Variants in TBC1D22A observed in about 807,000 individuals in gnomAD.
The protein encoded by TBC1D22A is putative GTPase activator.
TBC1D22A carries 38 observed loss-of-function variants against 60.2 expected under a neutral mutation model. That is an observed-to-expected ratio of 0.63 (90% CI 0.49 to 0.83). TBC1D22A has a LOEUF of 0.83. TBC1D22A is among the 40% of genes least tolerant of loss of function. TBC1D22A has a pLI of 0.00. For synonymous variants in TBC1D22A, 302 were observed against 281.7 expected (o/e 1.07, Z -0.72); for missense variants, 628 against 701.0 (o/e 0.90, Z 1.18).
chr22:47,138,090 G>T (rs545477029), intron 12 of TBC1D22A, among the ~76,000 whole-genome samples: 40 of 152,330 alleles, frequency 2.6e-4, no homozygotes, highest in Admixed American at 2.5e-3. Flanking sequence ...GCGTCCAGAG[G>T]CTCCGGCACT....
At chr22:46,928,710 C>A (rs1184421227) in intron 8 of TBC1D22A, among the ~76,000 whole-genome samples, 1 of 152,070 alleles carries the variant, frequency 6.6e-6, no homozygotes, top group Non-Finnish European at 1.5e-5. Context: ...ACTCGTACAA[C>A]TCAGTATTAA....
intron 11 of TBC1D22A, among the ~76,000 whole-genome samples, chr22:47,041,996 C>T (rs2062860704): frequency 6.6e-6 from 1 of 152,246 alleles, no homozygotes; most frequent in Non-Finnish European, 1.5e-5. Flanking sequence ...GATTGTCTCC[C>T]CAGCCCTTAT....
chr22:47,098,829 G>A (rs2065291491), intron 11 of TBC1D22A, among the ~76,000 whole-genome samples: 4 of 152,236 alleles, frequency 2.6e-5, no homozygotes, highest in African/African-American at 9.6e-5. Context: ...TAGTCGCACA[G>A]TGTCTCTGGC....
At chr22:46,891,508 G>A in intron 6 of TBC1D22A, 114 bp downstream of exon 6, 1 of 1,153,406 alleles carries the variant, frequency 8.7e-7, no homozygotes, top group Admixed American at 3.0e-5. Context: ...TAAAGATGCA[G>A]GTCCCTGATT....
chr22:46,912,119 A>G lies in TBC1D22A; in HGVS notation c.946A>G (p.Ser316Gly). The change falls in exon 8 of 13, where the codon AGT becomes GGT. Residue 316 changes from serine (S) to glycine (G), a missense_variant. Transcript: ENST00000337137. ...CATATGGGCGATCCGCCACCCAGCC[A>G]GTGGATACGTTCAGGGTATAAATGA... ...LFIWAIRHPA[S>G]GYVQGINDLV... The G allele has an allele frequency of 6.2e-7, 1 of 1,614,124 alleles. No individual in the cohort carries two copies. The highest frequency in any genetic ancestry group is 2.2e-5 in the East Asian group (1 of 44,888).
At chr22:47,070,343 AGCGGGGCTGACCTGACGGTCCTGG>A (rs1358811025) in intron 11 of TBC1D22A, among the ~76,000 whole-genome samples, 1 of 145,106 alleles carries the variant, frequency 6.9e-6, no homozygotes, top group Non-Finnish European at 1.5e-5. Flanking sequence ...GTTTGGTTGG[AGCGGGGCTGACCTGACGGTCCTGG>A]CTGTTCCCTG....
At chr22:47,006,446 G>T (rs1185098685) in intron 10 of TBC1D22A, among the ~76,000 whole-genome samples, 1 of 152,176 alleles carries the variant, frequency 6.6e-6, no homozygotes, top group Non-Finnish European at 1.5e-5. Context: ...TTCACAATCG[G>T]GTGGAGGTTG....
intron 1 of TBC1D22A, among the ~76,000 whole-genome samples, chr22:46,781,030 T>C (rs1394465614): frequency 6.6e-6 from 1 of 152,140 alleles, no homozygotes; most frequent in Admixed American, 6.5e-5. Context: ...CCATTCTCTT[T>C]CTCTTGGGCA....
At chr22:46,961,948 T>C (rs1191461712) in intron 8 of TBC1D22A, among the ~76,000 whole-genome samples, 1 of 152,198 alleles carries the variant, frequency 6.6e-6, no homozygotes, top group Non-Finnish European at 1.5e-5. Flanking sequence ...GTGAGTTGGA[T>C]TGTTTGGTTT....
At chr22:47,062,087 C>CAAAAAAAAAAAAAAAAAAAAAAGAAA (rs908701365) in intron 11 of TBC1D22A, among the ~76,000 whole-genome samples, 1 of 62,998 alleles carries the variant, frequency 1.6e-5, no homozygotes, top group African/African-American at 7.3e-5. Context: ...GACTCCATCT[C>CAAAAAAAAAAAAAAAAAAAAAAGAAA]AAAAAAAAAA....
chr22:46,936,969 G>C (rs952292544), intron 8 of TBC1D22A, among the ~76,000 whole-genome samples: 4 of 152,086 alleles, frequency 2.6e-5, no homozygotes, highest in Non-Finnish European at 5.9e-5. Context: ...AATGTTTTCA[G>C]CTGACAGTCA....
At chr22:46,925,296 G>A (rs1040314955) in intron 8 of TBC1D22A, among the ~76,000 whole-genome samples, 13 of 152,148 alleles carry the variant, frequency 8.5e-5, no homozygotes, top group African/African-American at 1.2e-4. Flanking sequence ...GCATCTGAGC[G>A]TAGCACATTT....
chr22:47,098,537 G>T (rs1317004194), intron 11 of TBC1D22A, among the ~76,000 whole-genome samples: 3 of 152,190 alleles, frequency 2.0e-5, no homozygotes, highest in African/African-American at 7.2e-5. Context: ...GCTGCCCTGG[G>T]GAAGGGCCAG....
intron 12 of TBC1D22A, among the ~76,000 whole-genome samples, chr22:47,151,373 G>A (rs2067494755): frequency 6.6e-6 from 1 of 152,178 alleles, no homozygotes; most frequent in South Asian, 2.1e-4. Flanking sequence ...GCCCTCCCAG[G>A]CAGCAGAAAA....
chr22:47,150,687 T>A (rs1376553844), intron 12 of TBC1D22A, among the ~76,000 whole-genome samples: 1 of 152,198 alleles, frequency 6.6e-6, no homozygotes, highest in Non-Finnish European at 1.5e-5. Context: ...GCTGGTGGGC[T>A]GCAGCGCTAG....
chr22:46,930,114 T>C (rs1309607718), intron 8 of TBC1D22A, among the ~76,000 whole-genome samples: 1 of 152,190 alleles, frequency 6.6e-6, no homozygotes, highest in Non-Finnish European at 1.5e-5. Context: ...CAGCCCTTTC[T>C]TTGGCCTTGA....
chr22:46,984,366 CAAAAAAAAAAAAAAAAAAAAAA>C (rs136119), intron 9 of TBC1D22A, among the ~76,000 whole-genome samples: 1,455 of 27,786 alleles, frequency 0.052, 41 homozygotes, highest in African/African-American at 0.12. Flanking sequence ...GACTCCATCT[CAAAAAAAAAAAAAAAAAAAAAA>C]AAAAAAAAAA....
chr22:46,904,829 C>T (rs147031374), intron 7 of TBC1D22A, among the ~76,000 whole-genome samples: 5,361 of 147,224 alleles, frequency 0.036, 267 homozygotes, highest in African/African-American at 0.095. Flanking sequence ...GGCTGGAGTG[C>T]GGTGGCGCAA....
intron 4 of TBC1D22A, among the ~76,000 whole-genome samples, chr22:46,833,980 T>C (rs903205605): frequency 6.6e-6 from 1 of 152,228 alleles, no homozygotes; most frequent in African/African-American, 2.4e-5. Context: ...GTCTTTTCTT[T>C]CCATTTTCTT....
Sources: allele counts gnomAD v4.1 joint callset (sites outside exome capture counted in the v4.1 genomes callset), GRCh38; gene constraint gnomAD v4.1.1; transcripts MANE v1.5; gene names NCBI Gene and HGNC (gene_info 2026-07-23, HGNC 2026-07-21).